Variants in PIEZO2 observed in about 807,000 individuals in gnomAD.
PIEZO2 encodes piezo type mechanosensitive ion channel component 2.
PIEZO2 carries 172 observed loss-of-function variants against 337.3 expected under a neutral mutation model. The ratio of observed to expected loss-of-function variants is 0.51; its 90% CI spans 0.45 to 0.58. The LOEUF (loss-of-function observed/expected upper bound fraction) is 0.58, where lower values mean the gene tolerates loss of function less well. Ranked by LOEUF, PIEZO2 falls within the 20% of genes least tolerant of loss-of-function variation. The pLI is 0.00. For missense variants in PIEZO2, 3,028 were observed against 3,391.3 expected (o/e 0.89, Z 2.66); for synonymous variants, 1,251 against 1,228.5 (o/e 1.02, Z -0.38).
At chr18:10,857,887 T>G (rs182799936) in intron 5 of PIEZO2, among the ~76,000 whole-genome samples, 64 of 152,348 alleles carry the variant, frequency 4.2e-4, no homozygotes, top group African/African-American at 1.4e-3. Context: ...AAACTGGGTA[T>G]GCTAAGGCAT....
At chr18:10,842,097 C>T (rs1243343909) in intron 7 of PIEZO2, among the ~76,000 whole-genome samples, 2 of 147,414 alleles carry the variant, frequency 1.4e-5, no homozygotes, top group Non-Finnish European at 3.0e-5. Flanking sequence ...TGCAGTGAGC[C>T]GAGATCGCAC....
At chr18:11,145,126 GA>G (rs543707239) in intron 1 of PIEZO2, among the ~76,000 whole-genome samples, 12 of 152,138 alleles carry the variant, frequency 7.9e-5, no homozygotes, top group African/African-American at 1.7e-4. Context: ...TTATGTGTAA[GA>G]AAAAAAATCA....
rs1468237582 is a variant in PIEZO2 at position 10,677,428 on chromosome 18, G to A, written c.8081+319C>T. The A allele has an allele frequency of 3.9e-6, 1 of 255,036 alleles. No homozygotes were observed. The highest frequency in any genetic ancestry group is 2.3e-5 in the African/African-American group (1 of 42,716). 15.8% of individuals were successfully genotyped at this position (255,036 alleles called of 1,614,324 possible). On this transcript the variant is annotated intron_variant, in intron 53 of 55. Coordinates refer to ENST00000674853, the MANE Select transcript of PIEZO2 (RefSeq NM_001378183.1). This position sits in a 1 kb window ranked among gnomAD's most constrained non-coding sequence, Gnocchi z 4.1. ...AGACAGGGTTTCACCATGTTGGTCA[G>A]GCTGGTCTTGAACTCCCGACCTCAG...
intron 2 of PIEZO2, among the ~76,000 whole-genome samples, chr18:11,004,685 G>C (rs1185951326): frequency 6.6e-6 from 1 of 152,182 alleles, no homozygotes; most frequent in Non-Finnish European, 1.5e-5. Flanking sequence ...GAGGCCAATG[G>C]ATCTCCTTGC....
In PIEZO2 at chr18:10,903,514, A is replaced by C. The variant is rs1306827208; in HGVS notation, c.329+7672T>G. 6.6e-6 allele frequency among the ~76,000 whole-genome samples: 1 copy of C among 151,944 alleles called. No individual in the cohort carries two copies. The highest frequency in any genetic ancestry group is 1.5e-5 in the Non-Finnish European group (1 of 67,968). ...TGAAACCCCGTCTCTACCAAAAATA[A>C]AAAAAATTAGCTGGGCATAGTGGCG... is the stretch of plus-strand genomic sequence containing the variant. On this transcript the variant is annotated intron_variant, in intron 4 of 55. Transcript: ENST00000674853. This position sits in a 1 kb window ranked among gnomAD's most constrained non-coding sequence, Gnocchi z 4.1.
Position 11,084,482 on chromosome 18 carries a change from G to A in PIEZO2, c.65-18260C>T, listed in dbSNP as rs561024624. On this transcript the variant is annotated intron_variant, in intron 1 of 55. Coordinates refer to ENST00000674853, the MANE Select transcript of PIEZO2 (RefSeq NM_001378183.1). ...CAAGTGATCCCAGGAGGAGCGGGTT[G>A]TGTAGCCAGAATGCAAAGCTCCAGC... Among the ~76,000 whole-genome samples the A allele has an allele frequency of 4.6e-5, 7 of 152,256 alleles. No homozygotes were observed. The South Asian group carries it at 1.2e-3, about 27-fold the overall frequency.
intron 37 of PIEZO2, 119 bp downstream of exon 37, chr18:10,718,081 T>C (rs1828247471): frequency 1.2e-6 from 1 of 863,364 alleles, no homozygotes; most frequent in Non-Finnish European, 1.8e-6. Flanking sequence ...GATTATTTAC[T>C]CATAGTCCAG....
rs180771250 is a variant in PIEZO2 at position 10,856,136 on chromosome 18, T to C, written c.704-570A>G. Among the ~76,000 whole-genome samples, 1 of 152,292 alleles carries C rather than the reference T, an allele frequency of 6.6e-6. No individual in the cohort carries two copies. The highest frequency in any genetic ancestry group is 2.4e-5 in the African/African-American group (1 of 41,562). On this transcript the variant is annotated intron_variant, in intron 6 of 55. Coordinates refer to ENST00000674853, the MANE Select transcript of PIEZO2 (RefSeq NM_001378183.1). The surrounding 1 kb of genome is among the most constrained non-coding windows in gnomAD (Gnocchi z 4.7). Reference sequence around the variant, plus strand: ...GTTGGTCTTGAACTCCTGGGCTAAGTGATCTTCCCTCCTTGGCCTTCCAAA... The same window carrying C: ...GTTGGTCTTGAACTCCTGGGCTAAGCGATCTTCCCTCCTTGGCCTTCCAAA...
At chr18:10,891,674 AT>A (rs2042761470) in intron 4 of PIEZO2, among the ~76,000 whole-genome samples, 1 of 152,202 alleles carries the variant, frequency 6.6e-6, no homozygotes, top group South Asian at 2.1e-4. Context: ...GAGCATTGCA[AT>A]TTTGAGACTG....
rs2039698401 is a variant in PIEZO2 at position 11,110,540 on chromosome 18, A to T, written c.64+37985T>A. Among the ~76,000 whole-genome samples, 2 of 152,268 alleles carry T rather than the reference A, an allele frequency of 1.3e-5. No individual in the cohort carries two copies. The highest frequency in any genetic ancestry group is 2.4e-5 in the African/African-American group (1 of 41,558). On this transcript the variant is annotated intron_variant, in intron 1 of 55. Transcript: ENST00000674853. The surrounding 1 kb of genome is among the most constrained non-coding windows in gnomAD (Gnocchi z 4.2). ...CTGGGCCTTTCCTCAAACAACAAAG[A>T]CACAGCAGAGCGGGGGAGTGGGAGC...
chr18:11,090,772 C>T (rs1165137736), intron 1 of PIEZO2, among the ~76,000 whole-genome samples: 3 of 151,812 alleles, frequency 2.0e-5, no homozygotes, highest in African/African-American at 4.8e-5. Context: ...ACTAGCTGGG[C>T]GTGGTGGCGG....
At chr18:10,818,955 G>A (rs998337608) in intron 7 of PIEZO2, among the ~76,000 whole-genome samples, 10 of 152,192 alleles carry the variant, frequency 6.6e-5, no homozygotes, top group African/African-American at 2.4e-4. Flanking sequence ...TGAAAAGCAC[G>A]CCCTAAAGTA....
At chr18:10,697,406 G>A (rs531816511) in intron 45 of PIEZO2, among the ~76,000 whole-genome samples, 2 of 152,282 alleles carry the variant, frequency 1.3e-5, no homozygotes, top group South Asian at 2.1e-4. Flanking sequence ...TAAGAGTGCA[G>A]GTCTAAGGCC....
rs1373259933 is a variant in PIEZO2, at chr18:11,078,000, A to C, written c.65-11778T>G. The stretch of plus-strand genomic sequence containing the variant: ...TGACAGCCAAGGCCACAATACACAC[A>C]CATACACGCAAAAACACATGTGCGT... On this transcript the variant is annotated intron_variant, in intron 1 of 55. Transcript: ENST00000674853. The surrounding 1 kb of genome is among the most constrained non-coding windows in gnomAD (Gnocchi z 4.8). Among the ~76,000 whole-genome samples, 1 of 151,810 alleles carries C rather than the reference A, an allele frequency of 6.6e-6. No individual in the cohort carries two copies. Among genetic ancestry groups the C allele is most frequent in the African/African-American group, 2.4e-5 (1 of 41,290 alleles).
intron 32 of PIEZO2, among the ~76,000 whole-genome samples, chr18:10,741,962 G>A (rs2037237295): frequency 6.6e-6 from 1 of 152,004 alleles, no homozygotes; most frequent in African/African-American, 2.4e-5. Context: ...GACCATCCGT[G>A]CTAACATGGT....
rs1219549501 is a variant in PIEZO2 at position 11,094,490 on chromosome 18, A to G, written c.65-28268T>C. ...GGACCAACATGCAGGAGACTCAGAC[A>G]GTTGTAGGTGCCTGAGAGTAACAGC... On this transcript the variant is annotated intron_variant, in intron 1 of 55. Transcript: ENST00000674853. This position sits in a 1 kb window ranked among gnomAD's most constrained non-coding sequence, Gnocchi z 4.4. Among the ~76,000 whole-genome samples the G allele has an allele frequency of 6.6e-6, 1 of 152,146 alleles. No individual in the cohort carries two copies. Among genetic ancestry groups the G allele is most frequent in the African/African-American group, 2.4e-5 (1 of 41,432 alleles).
intron 3 of PIEZO2, among the ~76,000 whole-genome samples, chr18:10,914,916 C>T (rs190240982): frequency 6.6e-6 from 1 of 151,954 alleles, no homozygotes; most frequent in Non-Finnish European, 1.5e-5. Flanking sequence ...AGCCTTTAAG[C>T]TCCTTTCAGG....
chr18:10,778,953 G>A (rs1318618401), intron 18 of PIEZO2, among the ~76,000 whole-genome samples: 1 of 152,186 alleles, frequency 6.6e-6, no homozygotes, highest in African/African-American at 2.4e-5. Context: ...AAGAAACACA[G>A]AGAAAAAGAG....
At chr18:10,965,909 A>G (rs1017880309) in intron 3 of PIEZO2, among the ~76,000 whole-genome samples, 1 of 152,220 alleles carries the variant, frequency 6.6e-6, no homozygotes, top group South Asian at 2.1e-4. Context: ...TATAAGGTCC[A>G]TGAGGGGAAG....
Sources: gnomAD v4.1 joint callset for allele counts (sites outside exome capture counted in the v4.1 genomes callset) on GRCh38, gnomAD v4.1.1 for gene constraint, Gnocchi (gnomAD v3.1) non-coding constraint, MANE v1.5 for transcripts, NCBI Gene and HGNC (gene_info 2026-07-23, HGNC 2026-07-21) for gene names.